BICD1: variants seen among roughly 807,000 people sequenced by gnomAD.
BICD1 encodes protein bicaudal D homolog 1.
In BICD1, 35 loss-of-function variants were observed where a neutral mutation model predicts 92.5. The observed-to-expected ratio is 0.38, with a 90% CI of 0.29 to 0.50. BICD1 has a LOEUF of 0.50. Ranked by LOEUF, BICD1 falls within the 20% of genes least tolerant of loss-of-function variation. BICD1 has a pLI of 0.93. For synonymous variants in BICD1, 429 were observed against 465.1 expected, an observed-to-expected ratio of 0.92 and a Z score of 1.00; for missense variants, 950 against 1,189.8, an observed-to-expected ratio of 0.80 and a Z score of 2.97.
intron 1 of BICD1, among the ~76,000 whole-genome samples, chr12:32,165,548 GGTGGTGCGTGCCT>G (rs1397847216): frequency 6.6e-6 from 1 of 151,372 alleles, no homozygotes; most frequent in Admixed American, 6.6e-5. Flanking sequence ...AGCTGGGCGT[GGTGGTGCGTGCCT>G]ATAGTCCCAG....
intron 2 of BICD1, among the ~76,000 whole-genome samples, chr12:32,236,872 C>CTTTTTTT (rs57318640): frequency 3.4e-5 from 3 of 89,302 alleles, no homozygotes; most frequent in East Asian, 3.8e-4. Flanking sequence ...AAGTCTAATT[C>CTTTTTTT]TTTTTTTTTT....
rs934774068 is a variant in BICD1 at position 32,381,465 on chromosome 12, A to G, written c.*3838A>G. 2 of 152,126 alleles carry G rather than the reference A, an allele frequency of 1.3e-5. No individual in the cohort carries two copies. Among genetic ancestry groups the G allele is most frequent in the Admixed American group, 6.5e-5 (1 of 15,272 alleles). 9.4% of individuals were successfully genotyped at this position (152,126 alleles called of 1,614,324 possible). On this transcript the variant is annotated 3_prime_UTR_variant, in exon 10 of 10. Transcript: ENST00000652176. ...GTGCAGATAAGTTCTTCTGTTTGAAACAAGCATGAAACATTGGTCCAATAA... is the reference window on the plus strand; with the variant it reads ...GTGCAGATAAGTTCTTCTGTTTGAAGCAAGCATGAAACATTGGTCCAATAA...
chr12:32,246,663 T>G (rs554066336), intron 2 of BICD1, among the ~76,000 whole-genome samples: 1 of 152,232 alleles, frequency 6.6e-6, no homozygotes, highest in Non-Finnish European at 1.5e-5. Flanking sequence ...TACAGTTATT[T>G]GATTATTTGC....
intron 1 of BICD1, among the ~76,000 whole-genome samples, chr12:32,133,372 T>C (rs574429619): frequency 4.0e-4 from 60 of 151,626 alleles, no homozygotes; most frequent in Non-Finnish European, 4.6e-4. Flanking sequence ...CCTGTAATCC[T>C]AGCTACTCGG....
At chr12:32,370,976 G>A (rs1201794204) in intron 9 of BICD1, among the ~76,000 whole-genome samples, 3 of 151,874 alleles carry the variant, frequency 2.0e-5, no homozygotes, top group South Asian at 2.1e-4. Flanking sequence ...TGCTTGAAGT[G>A]TTTCCATTAA....
At chr12:32,356,906 G>A (rs7399249) in intron 8 of BICD1, among the ~76,000 whole-genome samples, 7 of 151,940 alleles carry the variant, frequency 4.6e-5, no homozygotes, top group South Asian at 2.1e-4. Context: ...TTCCACTCCC[G>A]TCAGTTTAGT....
chr12:32,107,322 C>T lies in BICD1; in HGVS notation c.-10C>T. On this transcript the variant is annotated 5_prime_UTR_variant, in exon 1 of 10. Transcript: ENST00000652176. ...CCCGTAACCCCCTCCTGCCTCCATC[C>T]ACCGGGGCTATGGCCGCAGAAGAGG... is the stretch of plus-strand genomic sequence containing the variant. 6.3e-7 allele frequency: 1 copy of T among 1,590,494 alleles called. No homozygotes were observed. The highest frequency in any genetic ancestry group is 8.6e-7 in the Non-Finnish European group (1 of 1,168,286).
chr12:32,194,650 G>T (rs984304729), intron 1 of BICD1, among the ~76,000 whole-genome samples: 7 of 152,166 alleles, frequency 4.6e-5, no homozygotes, highest in Admixed American at 3.3e-4. Flanking sequence ...GGGAGGCCGA[G>T]GGGGGTGGAT....
chr12:32,243,264 A>ATTT (rs71068310), intron 2 of BICD1, among the ~76,000 whole-genome samples: 14 of 74,032 alleles, frequency 1.9e-4, no homozygotes, highest in African/African-American at 6.1e-4. Flanking sequence ...TGCCTGGCTA[A>ATTT]TTTTTTTTTT....
chr12:32,225,621 G>GTTTTTGTTTTTTTTTTTTTTTTTTTTTTT lies in BICD1; in HGVS notation c.426+9167_426+9168insGTTTTTTTTTTTTTTTTTTTTTTTTTTTT, dbSNP rs1411722126. Among the ~76,000 whole-genome samples, 2 of 92,774 alleles carry GTTTTTGTTTTTTTTTTTTTTTTTTTTTTT rather than the reference G, an allele frequency of 2.2e-5. 1 individual carries two copies. The highest frequency in any genetic ancestry group is 4.3e-5 in the Non-Finnish European group (2 of 46,890). 60.9% of individuals were successfully genotyped at this position (92,774 alleles called of 152,430 possible). A position where few individuals can be genotyped will look rare whatever the true frequency, so the allele number is the denominator to read the frequency against. The stretch of plus-strand genomic sequence containing the variant: ...TGGTATTTGACAGTTCTTTTTTTCT[G>GTTTTTGTTTTTTTTTTTTTTTTTTTTTTT]TTTTTTTTTTTTTTTTTTTTAGACG... On this transcript the variant is annotated intron_variant, in intron 2 of 9. Transcript: ENST00000652176.
intron 2 of BICD1, among the ~76,000 whole-genome samples, chr12:32,250,117 G>A (rs999358914): frequency 2.0e-5 from 3 of 151,984 alleles, no homozygotes; most frequent in African/African-American, 7.3e-5. Flanking sequence ...CCTACACCAC[G>A]TTCATCACAA....
At chr12:32,261,592 T>A (rs959929999) in intron 2 of BICD1, among the ~76,000 whole-genome samples, 33 of 152,368 alleles carry the variant, frequency 2.2e-4, no homozygotes, top group African/African-American at 7.9e-4. Context: ...TATTGTCATA[T>A]TTTCATGGAA....
intron 1 of BICD1, among the ~76,000 whole-genome samples, chr12:32,128,359 C>G (rs2683470): frequency 3.3e-5 from 5 of 152,058 alleles, no homozygotes; most frequent in Non-Finnish European, 7.4e-5. Context: ...AATATTGCCT[C>G]TAGTGCTGAA....
chr12:32,201,195 T>C (rs1944897990), intron 1 of BICD1, among the ~76,000 whole-genome samples: 1 of 152,228 alleles, frequency 6.6e-6, no homozygotes, highest in Admixed American at 6.5e-5. Context: ...AAGGCTTTCC[T>C]TCTCTGAGCT....
chr12:32,241,389 A>G (rs1234352268), intron 2 of BICD1, among the ~76,000 whole-genome samples: 1 of 152,218 alleles, frequency 6.6e-6, no homozygotes, highest in Non-Finnish European at 1.5e-5. Flanking sequence ...TTCTCTCCCC[A>G]TGGACTGCAC....
intron 1 of BICD1, among the ~76,000 whole-genome samples, chr12:32,170,013 C>G (rs546149411): frequency 6.6e-6 from 1 of 152,352 alleles, no homozygotes; most frequent in East Asian, 1.9e-4. Flanking sequence ...GGAGTTGACA[C>G]GGGTCCTTTT....
intron 8 of BICD1, among the ~76,000 whole-genome samples, chr12:32,348,186 C>A (rs1938701548): frequency 6.6e-6 from 1 of 152,130 alleles, no homozygotes; most frequent in Non-Finnish European, 1.5e-5. Flanking sequence ...TAAAAGATTT[C>A]ATATTCAAAA....
intron 2 of BICD1, among the ~76,000 whole-genome samples, chr12:32,268,247 T>C (rs1049370758): frequency 6.6e-6 from 1 of 152,170 alleles, no homozygotes; most frequent in Non-Finnish European, 1.5e-5. Context: ...TCAACAGAAG[T>C]TGTTTTTCTT....
intron 2 of BICD1, among the ~76,000 whole-genome samples, chr12:32,284,933 T>C (rs993333319): frequency 2.0e-5 from 3 of 152,212 alleles, no homozygotes; most frequent in Non-Finnish European, 2.9e-5. Context: ...AACTTAGGCA[T>C]ATGTGGAAAA....
Sources: gnomAD v4.1 joint callset for allele counts (sites outside exome capture counted in the v4.1 genomes callset) on GRCh38, gnomAD v4.1.1 for gene constraint, MANE v1.5 for transcripts, NCBI Gene and HGNC (gene_info 2026-07-23, HGNC 2026-07-21) for gene names.